RGS6: variants seen among roughly 807,000 people sequenced by gnomAD.
RGS6 encodes the protein regulator of G protein signaling 6.
RGS6 carries 30 observed loss-of-function variants against 78.5 expected under a neutral mutation model. The observed-to-expected ratio is 0.38, with a 90% CI of 0.29 to 0.52. The LOEUF (loss-of-function observed/expected upper bound fraction) is 0.52. Among genes scored for constraint, RGS6 ranks in the 20% least tolerant of loss-of-function variants. The pLI is 0.85. For synonymous variants in RGS6, 206 were observed against 206.0 expected, an observed-to-expected ratio of 1.00 and a Z score of 0.00; for missense variants, 495 against 609.7, an observed-to-expected ratio of 0.81 and a Z score of 1.98.
At chr14:72,508,472 A>G (rs1373409535) in intron 13 of RGS6, among the ~76,000 whole-genome samples, 1 of 147,084 alleles carries the variant, frequency 6.8e-6, no homozygotes, top group Non-Finnish European at 1.5e-5. Flanking sequence ...GAGCACGGTT[A>G]TGGGATATTT....
chr14:72,031,309 A>G (rs1054222536), intron 2 of RGS6, among the ~76,000 whole-genome samples: 19 of 152,282 alleles, frequency 1.2e-4, no homozygotes, highest in Admixed American at 1.0e-3. Context: ...ATGTCCATGG[A>G]AAGATAATTA....
chr14:72,575,843 T>C, the RGS6 span, among the ~76,000 whole-genome samples: 1 of 152,192 alleles, frequency 6.6e-6, no homozygotes. Flanking sequence ...TTAAAAGCAG[T>C]TCCATTTTCA....
intron 2 of RGS6, among the ~76,000 whole-genome samples, chr14:72,099,753 G>T (rs1027551196): frequency 6.6e-6 from 1 of 152,146 alleles, no homozygotes; most frequent in Non-Finnish European, 1.5e-5. Context: ...GGGATTATTT[G>T]TCTTTAGACT....
chr14:72,549,378 G>A (rs1023024667), intron 17 of RGS6, among the ~76,000 whole-genome samples: 1 of 152,178 alleles, frequency 6.6e-6, no homozygotes, highest in Admixed American at 6.5e-5. Flanking sequence ...GGCAACCATC[G>A]TGCAGTGAGC....
chr14:72,453,921 A>G (rs74833379), intron 3 of RGS6, among the ~76,000 whole-genome samples: 1,628 of 152,352 alleles, frequency 0.011, 55 homozygotes, highest in East Asian at 0.094. Context: ...TTTATGGTCC[A>G]GGTCTGGAAG....
At chr14:72,233,938 C>A in intron 2 of RGS6, among the ~76,000 whole-genome samples, 1 of 152,052 alleles carries the variant, frequency 6.6e-6, no homozygotes, top group East Asian at 1.9e-4. Context: ...TACTGAGTGT[C>A]TGTGGTGCAG....
intron 2 of RGS6, among the ~76,000 whole-genome samples, chr14:72,236,048 A>G (rs2050924414): frequency 6.6e-6 from 1 of 152,226 alleles, no homozygotes; most frequent in Admixed American, 6.5e-5. Flanking sequence ...TGAAAAATGT[A>G]TTCTTACAGC....
chr14:72,395,031 T>G lies in RGS6; in HGVS notation c.184+42837T>G, dbSNP rs74889658. The stretch of plus-strand genomic sequence containing the variant: ...GTCCCTGACTTCCTGCAACAATAAT[T>G]ATTTATTTTAAAAGAAACAAAATCA... On this transcript the variant is annotated intron_variant, in intron 3 of 17. Transcript: ENST00000553525. Among the ~76,000 whole-genome samples, 1,168 of 152,316 alleles carry G rather than the reference T, an allele frequency of 7.7e-3. 39 individuals carry two copies. Among genetic ancestry groups the G allele is most frequent in the East Asian group, 0.05 (259 of 5,184 alleles).
chr14:72,522,520 G>T (rs1483203279), intron 15 of RGS6, among the ~76,000 whole-genome samples: 3 of 152,204 alleles, frequency 2.0e-5, no homozygotes, highest in Non-Finnish European at 4.4e-5. Context: ...CAGGCTTTGT[G>T]AGTCATGTGG....
chr14:72,055,188 C>A (rs1398274195), intron 2 of RGS6, among the ~76,000 whole-genome samples: 2 of 152,144 alleles, frequency 1.3e-5, no homozygotes, highest in Non-Finnish European at 2.9e-5. Flanking sequence ...TGAAATCATT[C>A]AACTTTACAA....
chr14:72,385,199 A>G (rs933645646), intron 3 of RGS6, among the ~76,000 whole-genome samples: 9 of 152,230 alleles, frequency 5.9e-5, no homozygotes, highest in African/African-American at 2.2e-4. Flanking sequence ...TTGTCAAAAA[A>G]TATATTCAAA....
chr14:72,083,588 T>C (rs905548702), intron 2 of RGS6, among the ~76,000 whole-genome samples: 4 of 152,152 alleles, frequency 2.6e-5, no homozygotes, highest in Admixed American at 2.0e-4. Context: ...ATGACGTCCC[T>C]CGGATGGAGC....
intron 3 of RGS6, among the ~76,000 whole-genome samples, chr14:72,413,775 ATCTC>A (rs1222126847): frequency 6.6e-6 from 1 of 152,082 alleles, no homozygotes; most frequent in African/African-American, 2.4e-5. Flanking sequence ...TGGTGACAAA[ATCTC>A]TCAGCATTTG....
intron 15 of RGS6, among the ~76,000 whole-genome samples, chr14:72,534,511 T>C (rs2097220844): frequency 6.6e-6 from 1 of 152,254 alleles, no homozygotes; most frequent in South Asian, 2.1e-4. Flanking sequence ...GTTCATGTTA[T>C]CACAAATGAC....
intron 2 of RGS6, among the ~76,000 whole-genome samples, chr14:72,039,254 A>T (rs1264357018): frequency 1.3e-5 from 2 of 152,160 alleles, no homozygotes; most frequent in African/African-American, 4.8e-5. Context: ...GTGAAGAGAT[A>T]ATTTCTGGTC....
chr14:72,455,610 C>T (rs2095610320), intron 4 of RGS6, among the ~76,000 whole-genome samples: 2 of 152,198 alleles, frequency 1.3e-5, no homozygotes, highest in Admixed American at 1.3e-4. Flanking sequence ...CGAGTCTTTT[C>T]ACCCCCTTGA....
At chr14:72,111,512 A>G (rs2095761981) in intron 2 of RGS6, among the ~76,000 whole-genome samples, 2 of 152,214 alleles carry the variant, frequency 1.3e-5, no homozygotes, top group Non-Finnish European at 2.9e-5. Context: ...GACAAGGATG[A>G]GTCATATGCC....
At chr14:72,024,942 T>A (rs2089528955) in intron 2 of RGS6, among the ~76,000 whole-genome samples, 1 of 152,142 alleles carries the variant, frequency 6.6e-6, no homozygotes, top group African/African-American at 2.4e-5. Context: ...CTCTTGGCAG[T>A]TTTCAGACAG....
At position 72,167,983 on chromosome 14, in the gene RGS6, T is replaced by A. The variant is rs141527338; in HGVS notation, c.85-184112T>A. Among the ~76,000 whole-genome samples the A allele has an allele frequency of 6.3e-3, 963 of 152,278 alleles. 30 individuals are homozygous for A. Among genetic ancestry groups the A allele is most frequent in the Admixed American group, 0.056 (854 of 15,292 alleles). On this transcript the variant is annotated intron_variant, in intron 2 of 17. Transcript: ENST00000553525. ...GTGGGGAGGTCTCTGGTGGGGATTC[T>A]GGGAAGAGGGGCTGAGCAGTAATTG...
Sources: allele counts gnomAD v4.1 joint callset (sites outside exome capture counted in the v4.1 genomes callset), GRCh38; gene constraint gnomAD v4.1.1; transcripts MANE v1.5; gene names NCBI Gene and HGNC (gene_info 2026-07-23, HGNC 2026-07-21).